ESRRG: variants seen among roughly 807,000 people sequenced by gnomAD.
ESRRG encodes estrogen-related receptor gamma.
Under a neutral mutation model 44.0 loss-of-function variants are expected in ESRRG, and 13 were observed. The ratio of observed to expected loss-of-function variants is 0.30; its 90% CI spans 0.19 to 0.47. The LOEUF is 0.47. Ranked by LOEUF, ESRRG falls within the 20% of genes least tolerant of loss-of-function variation. ESRRG has a pLI of 1.00. For missense variants in ESRRG, 395 were observed against 580.6 expected, an observed-to-expected ratio of 0.68 and a Z score of 3.29; for synonymous variants, 215 against 214.6, an observed-to-expected ratio of 1.00 and a Z score of -0.02.
At chr1:216,935,807 G>T (rs967295293) in intron 2 of ESRRG, among the ~76,000 whole-genome samples, 1 of 151,922 alleles carries the variant, frequency 6.6e-6, no homozygotes, top group African/African-American at 2.4e-5. Context: ...AGTAGAGATG[G>T]GGTTTCACCA....
chr1:217,082,001 T>G (rs539947492), intron 1 of ESRRG, among the ~76,000 whole-genome samples: 1 of 152,320 alleles, frequency 6.6e-6, no homozygotes, highest in South Asian at 2.1e-4. Context: ...TGTGGCCATC[T>G]GTAAGGGAAA....
intron 5 of ESRRG, among the ~76,000 whole-genome samples, chr1:216,529,381 AT>A (rs2048614161): frequency 6.6e-6 from 1 of 152,202 alleles, no homozygotes; most frequent in Non-Finnish European, 1.5e-5. Context: ...ATAATTTTTC[AT>A]TGAAAATAGA....
intron 5 of ESRRG, among the ~76,000 whole-genome samples, chr1:216,558,960 C>T (rs1248616502): frequency 6.6e-6 from 1 of 151,992 alleles, no homozygotes; most frequent in African/African-American, 2.4e-5. Context: ...ACCTCCGCCT[C>T]CTGGGTTCAA....
chr1:216,767,181 G>T (rs553181132), intron 2 of ESRRG, among the ~76,000 whole-genome samples: 1 of 152,010 alleles, frequency 6.6e-6, no homozygotes, highest in South Asian at 2.1e-4. Context: ...CAAACTATCC[G>T]TAGTTAACAA....
chr1:217,045,594 G>T (rs2084729122), intron 1 of ESRRG, among the ~76,000 whole-genome samples: 1 of 152,204 alleles, frequency 6.6e-6, no homozygotes. Context: ...GCACGAGGTT[G>T]CCCCAGTTTC....
At chr1:216,963,512 C>A (rs1052672010) in intron 1 of ESRRG, among the ~76,000 whole-genome samples, 6 of 152,096 alleles carry the variant, frequency 3.9e-5, no homozygotes, top group African/African-American at 1.4e-4. Flanking sequence ...CAGAGTCAAG[C>A]CACGTAATTC....
intron 1 of ESRRG, among the ~76,000 whole-genome samples, chr1:217,037,634 C>T (rs1323530247): frequency 2.0e-5 from 3 of 152,084 alleles, no homozygotes; most frequent in African/African-American, 7.2e-5. Flanking sequence ...AATCTCCTAT[C>T]TTCACATTTC....
upstream of ESRRG, among the ~76,000 whole-genome samples, chr1:216,724,345 G>A (rs2087032748): frequency 7.1e-6 from 1 of 141,068 alleles, no homozygotes; most frequent in Non-Finnish European, 1.5e-5. Context: ...GATGCATTTT[G>A]ACAAAATAAA....
intron 1 of ESRRG, among the ~76,000 whole-genome samples, chr1:217,113,412 C>T (rs947512356): frequency 6.6e-6 from 1 of 152,150 alleles, no homozygotes; most frequent in Non-Finnish European, 1.5e-5. Flanking sequence ...GTTATCTTAT[C>T]TCTGTACCAC....
intron 2 of ESRRG, among the ~76,000 whole-genome samples, chr1:216,886,216 T>C (rs1289993732): frequency 6.6e-6 from 1 of 152,176 alleles, no homozygotes; most frequent in Non-Finnish European, 1.5e-5. Context: ...CACTTCATTT[T>C]ACATTTCACT....
intron 2 of ESRRG, among the ~76,000 whole-genome samples, chr1:216,843,831 G>T (rs910465326): frequency 6.6e-5 from 10 of 150,902 alleles, no homozygotes; most frequent in Admixed American, 5.9e-4. Context: ...GGAATTAAGA[G>T]TTCTTTTTGC....
At chr1:216,568,223 G>C (rs942035349) in intron 3 of ESRRG, 125 bp from the exon 4 acceptor site, 6 of 686,654 alleles carry the variant, frequency 8.7e-6, no homozygotes, top group African/African-American at 7.1e-5. Context: ...TGGACCAGGG[G>C]TACTCAAATA....
chr1:216,867,204 C>T (rs1354554158), intron 2 of ESRRG, among the ~76,000 whole-genome samples: 4 of 152,046 alleles, frequency 2.6e-5, no homozygotes, highest in African/African-American at 9.7e-5. Context: ...ATCACTTGTC[C>T]AACATCTTGT....
chr1:216,894,827 C>T (rs1300288376), intron 2 of ESRRG, among the ~76,000 whole-genome samples: 1 of 152,114 alleles, frequency 6.6e-6, no homozygotes, highest in East Asian at 1.9e-4. Flanking sequence ...AAAATCACTC[C>T]AAGCAGCAGC....
intron 3 of ESRRG, among the ~76,000 whole-genome samples, chr1:216,601,488 A>C (rs542933110): frequency 5.7e-4 from 87 of 152,336 alleles, no homozygotes; most frequent in Non-Finnish European, 1.0e-3. Flanking sequence ...CCTGAAGAGG[A>C]TTCCTTGTCG....
At chr1:217,029,396 C>T (rs376516441) in intron 1 of ESRRG, among the ~76,000 whole-genome samples, 2 of 152,198 alleles carry the variant, frequency 1.3e-5, no homozygotes, top group Non-Finnish European at 1.5e-5. Context: ...AGCAGGCCCA[C>T]GGCTGCTGTT....
intron 3 of ESRRG, among the ~76,000 whole-genome samples, chr1:216,622,311 C>G (rs2062381606): frequency 6.6e-6 from 1 of 152,176 alleles, no homozygotes. Context: ...TTCCAAAGGA[C>G]TGCTTAAAAC....
At chr1:217,076,222 T>A (rs943672008) in intron 1 of ESRRG, among the ~76,000 whole-genome samples, 3 of 152,144 alleles carry the variant, frequency 2.0e-5, no homozygotes, top group Non-Finnish European at 2.9e-5. Flanking sequence ...ACTCTGAGCA[T>A]CTTCATTCCT....
At chr1:217,074,452 C>CAAA (rs10656995) in intron 1 of ESRRG, among the ~76,000 whole-genome samples, 32 of 138,586 alleles carry the variant, frequency 2.3e-4, no homozygotes, top group South Asian at 4.5e-4. Flanking sequence ...CCACCCCCCC[C>CAAA]AAAAAAAAAA....
Sources: gnomAD v4.1 joint callset for allele counts (sites outside exome capture counted in the v4.1 genomes callset) on GRCh38, gnomAD v4.1.1 for gene constraint, MANE v1.5 for transcripts, NCBI Gene and HGNC (gene_info 2026-07-23, HGNC 2026-07-21) for gene names.